Variants in ZFHX3 observed in about 807,000 individuals in gnomAD.
ZFHX3 encodes zinc finger homeobox 3, also known as zinc finger homeobox protein 3.
A neutral mutation model predicts 279.1 loss-of-function variants in ZFHX3; 42 were observed. The observed-to-expected ratio is 0.15, with a 90% CI of 0.12 to 0.19. The LOEUF is 0.19. Among genes scored for constraint, ZFHX3 ranks in the 10% least tolerant of loss-of-function variants. The pLI is 1.00. For synonymous variants in ZFHX3, 2,293 were observed against 1,957.8 expected (o/e 1.17, Z -4.52); for missense variants, 4,981 against 4,754.0 (o/e 1.05, Z -1.40).
chr16:73,378,093 T>C (rs1005506963), intron 3 of ZFHX3, among the ~76,000 whole-genome samples: 21 of 146,292 alleles, frequency 1.4e-4, no homozygotes, highest in African/African-American at 5.1e-4. Context: ...CTTATGTCCT[T>C]AGTTAGGATT....
At chr16:72,995,688 AC>A (rs1481551374) in intron 1 of ZFHX3, among the ~76,000 whole-genome samples, 3 of 151,664 alleles carry the variant, frequency 2.0e-5, no homozygotes, top group Non-Finnish European at 2.9e-5. Context: ...CCGCCCACAA[AC>A]CCCGCGCTGG....
chr16:73,640,266 T>C (rs925841258), intron 2 of ZFHX3, among the ~76,000 whole-genome samples: 1 of 152,106 alleles, frequency 6.6e-6, no homozygotes, highest in Non-Finnish European at 1.5e-5. Context: ...GAATTATCAC[T>C]TGGTGGTCTC....
intron 2 of ZFHX3, among the ~76,000 whole-genome samples, chr16:73,563,159 TTTTTG>T (rs1291212657): frequency 1.3e-5 from 2 of 149,728 alleles, no homozygotes; most frequent in African/African-American, 5.0e-5. Flanking sequence ...TTTTTTGTTT[TTTTTG>T]TTTTGTTGTG....
intron 2 of ZFHX3, among the ~76,000 whole-genome samples, chr16:73,677,984 T>C (rs531314180): frequency 6.6e-6 from 1 of 152,172 alleles, no homozygotes; most frequent in Admixed American, 6.5e-5. Flanking sequence ...TCTACTCCAA[T>C]AATTTATAAA....
At chr16:73,045,842 C>G (rs1965279967) in intron 1 of ZFHX3, among the ~76,000 whole-genome samples, 3 of 148,044 alleles carry the variant, frequency 2.0e-5, no homozygotes, top group Admixed American at 2.0e-4. Flanking sequence ...TGACCCATGT[C>G]ATAAAGACAG....
At chr16:73,424,710 C>T (rs911357610) in intron 3 of ZFHX3, among the ~76,000 whole-genome samples, 7 of 131,840 alleles carry the variant, frequency 5.3e-5, no homozygotes, top group Non-Finnish European at 6.2e-5. Flanking sequence ...GCTATGATTG[C>T]GCCACTGCAC....
intron 5 of ZFHX3, among the ~76,000 whole-genome samples, chr16:73,234,390 T>C (rs535875872): frequency 6.6e-6 from 1 of 152,348 alleles, no homozygotes; most frequent in African/African-American, 2.4e-5. Context: ...CACTTAACTA[T>C]GTCCCCTGTC....
At chr16:73,510,693 G>A (rs547097729) in intron 2 of ZFHX3, among the ~76,000 whole-genome samples, 1 of 152,316 alleles carries the variant, frequency 6.6e-6, no homozygotes, top group Admixed American at 6.5e-5. Flanking sequence ...TATCCAACCT[G>A]AGCAACCATA....
chr16:73,856,476 A>C (rs1265787658), intron 1 of ZFHX3, among the ~76,000 whole-genome samples: 1 of 152,224 alleles, frequency 6.6e-6, no homozygotes, highest in Non-Finnish European at 1.5e-5. Flanking sequence ...GATTTCAATC[A>C]AGGATGAGAT....
chr16:73,430,223 C>A (rs2017887442), intron 3 of ZFHX3, among the ~76,000 whole-genome samples: 1 of 152,188 alleles, frequency 6.6e-6, no homozygotes, highest in Non-Finnish European at 1.5e-5. Context: ...CTGCCATCCA[C>A]TGCCTTGGCT....
chr16:72,915,099 G>T (rs2039410518), intron 3 of ZFHX3, among the ~76,000 whole-genome samples: 1 of 152,164 alleles, frequency 6.6e-6, no homozygotes, highest in Admixed American at 6.5e-5. Flanking sequence ...CCTGTCCACA[G>T]AGAAAAGATG....
rs527575278 is a variant in ZFHX3, at chr16:73,374,735, T to TA, written c.-1290-56400dup. 1.2e-3 allele frequency among the ~76,000 whole-genome samples: 181 copies of TA among 152,318 alleles called. 1 individual carries two copies. The highest frequency in any genetic ancestry group is 4.3e-3 in the African/African-American group (179 of 41,578). ...TCAATCTCTTTTTGTCCTGGGTTTT[T>TA]AAAAAAATTGTTGTTGAAGAAACTG... On this transcript the variant is annotated intron_variant, in intron 3 of 17. Coordinates refer to the ZFHX3 transcript ENST00000641206.
intron 4 of ZFHX3, among the ~76,000 whole-genome samples, chr16:72,843,116 C>A (rs1299323393): frequency 6.6e-6 from 1 of 152,196 alleles, no homozygotes; most frequent in Non-Finnish European, 1.5e-5. Context: ...TGGTCACCGG[C>A]AGGTTCTACC....
rs934816333 is a variant in ZFHX3, at chr16:72,874,760, C to A, written c.3448+14971G>T. 2.0e-4 allele frequency among the ~76,000 whole-genome samples: 31 copies of A among 152,280 alleles called. 1 individual carries two copies. Among genetic ancestry groups the A allele is most frequent in the African/African-American group, 7.5e-4 (31 of 41,570 alleles). The stretch of plus-strand genomic sequence containing the variant: ...CCTCCTGCCACGGCCTCCCAAAGTG[C>A]TGGCATTGCCGGCGTAAGCCACCAC... On this transcript the variant is annotated intron_variant, in intron 4 of 9. Coordinates refer to ENST00000268489, the MANE Select transcript of ZFHX3 (RefSeq NM_006885.4).
chr16:73,048,320 G>A (rs1404634903), upstream of ZFHX3: 1 of 151,636 alleles, frequency 6.6e-6, no homozygotes, highest in Non-Finnish European at 1.5e-5. Context: ...CGGGTTGCTC[G>A]GCGGCGACCG....
chr16:73,623,099 C>A (rs1335684868), intron 2 of ZFHX3, among the ~76,000 whole-genome samples: 1 of 151,650 alleles, frequency 6.6e-6, no homozygotes, highest in African/African-American at 2.4e-5. Flanking sequence ...TGCAGTGGCG[C>A]TATCTCGGCT....
chr16:72,934,699 C>T (rs1960019540), intron 3 of ZFHX3, among the ~76,000 whole-genome samples: 4 of 152,182 alleles, frequency 2.6e-5, no homozygotes, highest in Admixed American at 1.3e-4. Context: ...CATTTGACGG[C>T]TCTTACTGAA....
At chr16:73,321,600 C>T (rs1305610370) in intron 3 of ZFHX3, among the ~76,000 whole-genome samples, 1 of 152,198 alleles carries the variant, frequency 6.6e-6, no homozygotes, top group East Asian at 1.9e-4. Flanking sequence ...CGGCTATTCA[C>T]CTATTTTGGA....
chr16:73,667,468 G>A (rs530652815), intron 2 of ZFHX3, among the ~76,000 whole-genome samples: 20 of 152,274 alleles, frequency 1.3e-4, no homozygotes, highest in Non-Finnish European at 1.5e-5. Flanking sequence ...ATACATATAT[G>A]TTTCAGTTTA....
Sources: allele counts gnomAD v4.1 joint callset (sites outside exome capture counted in the v4.1 genomes callset), GRCh38; gene constraint gnomAD v4.1.1; transcripts MANE v1.5; gene names NCBI Gene and HGNC (gene_info 2026-07-23, HGNC 2026-07-21).